The following MYO18B variants were observed in gnomAD, a reference collection of about 807,000 sequenced individuals.
The protein encoded by MYO18B is myosin XVIIIB.
A neutral mutation model predicts 273.0 loss-of-function variants in MYO18B; 204 were observed. The observed-to-expected ratio is 0.75, with a 90% confidence interval of 0.67 to 0.84. The LOEUF is 0.84. Ranked by LOEUF, MYO18B falls within the 40% of genes least tolerant of loss-of-function variation. The pLI, the probability that MYO18B is intolerant of heterozygous loss-of-function variation, is 0.00. For missense variants in MYO18B, 3,212 were observed against 3,287.6 expected, an observed-to-expected ratio of 0.98 and a Z score of 0.56; for synonymous variants, 1,330 against 1,305.7, an observed-to-expected ratio of 1.02 and a Z score of -0.40.
At chr22:25,999,717 A>G (rs1031488390) in intron 40 of MYO18B, among the ~76,000 whole-genome samples, 1 of 149,800 alleles carries the variant, frequency 6.7e-6, no homozygotes, top group African/African-American at 2.5e-5. Flanking sequence ...GTGCAATGGC[A>G]TGATCTTGGC....
At chr22:25,887,576 A>G (rs1310443372) in intron 25 of MYO18B, among the ~76,000 whole-genome samples, 1 of 152,174 alleles carries the variant, frequency 6.6e-6, no homozygotes, top group East Asian at 1.9e-4. Context: ...GTAATCTGCA[A>G]GGACTCTTCT....
At chr22:25,970,833 G>C (rs900521790) in intron 39 of MYO18B, among the ~76,000 whole-genome samples, 1 of 151,676 alleles carries the variant, frequency 6.6e-6, no homozygotes, top group Non-Finnish European at 1.5e-5. Context: ...ACACTCAGGG[G>C]GAATCCTTCA....
intron 1 of MYO18B, among the ~76,000 whole-genome samples, chr22:25,758,470 GAA>G (rs746499378): frequency 7.3e-6 from 1 of 136,412 alleles, no homozygotes. Context: ...GGATTAAGAA[GAA>G]AAAAAAAAAG....
intron 3 of MYO18B, among the ~76,000 whole-genome samples, chr22:25,765,031 C>T (rs1201674494): frequency 6.6e-6 from 1 of 152,074 alleles, no homozygotes; most frequent in Non-Finnish European, 1.5e-5. Flanking sequence ...GCCACAGAGA[C>T]CTGGGGGAAA....
chr22:25,938,275 A>G lies in MYO18B; in HGVS notation c.5518-7862A>G, dbSNP rs2092604729. Among the ~76,000 whole-genome samples, 2 of 152,222 alleles carry G rather than the reference A, an allele frequency of 1.3e-5. 1 individual carries two copies. The highest frequency in any genetic ancestry group is 4.1e-4 in the South Asian group (2 of 4,830). On this transcript the variant is annotated intron_variant, in intron 34 of 43. Coordinates refer to ENST00000335473, the MANE Select transcript of MYO18B (RefSeq NM_032608.7). ...TCACCTAGGTATTTAAAGCAGGCAG[A>G]TGGCTTCGCATAGAGAAGTAATGCT...
chr22:25,934,153 TG>T (rs1479942108), intron 34 of MYO18B, among the ~76,000 whole-genome samples: 16 of 152,204 alleles, frequency 1.1e-4, no homozygotes, highest in Non-Finnish European at 2.1e-4. Flanking sequence ...ATTTTTCTGT[TG>T]GGTTGTTTGT....
rs756882930 is a variant in MYO18B, at chr22:25,910,932, C to T, written c.5260-14C>T. The T allele has an allele frequency of 1.3e-6, 2 of 1,569,472 alleles. No homozygotes were observed. Among genetic ancestry groups the T allele is most frequent in the South Asian group, 2.3e-5 (2 of 85,236 alleles). On this transcript the variant is annotated splice_polypyrimidine_tract_variant and intron_variant, in intron 32 of 43. Coordinates refer to ENST00000335473, the MANE Select transcript of MYO18B (RefSeq NM_032608.7). ...TCATTTACCCTGTGATGTTTCTTCCCTGTGTATCCACAGCTTCATCAGCTG... is the reference window on the plus strand; with the variant it reads ...TCATTTACCCTGTGATGTTTCTTCCTTGTGTATCCACAGCTTCATCAGCTG...
chr22:26,032,253 C>T (rs758263320), downstream of MYO18B, among the ~76,000 whole-genome samples: 16 of 152,160 alleles, frequency 1.1e-4, no homozygotes, highest in Non-Finnish European at 1.3e-4. Context: ...AAAATTCCAC[C>T]GCCTGGGTGG....
chr22:25,949,017 G>A (rs553980832), intron 36 of MYO18B, among the ~76,000 whole-genome samples: 3 of 152,258 alleles, frequency 2.0e-5, no homozygotes, highest in East Asian at 1.9e-4. Flanking sequence ...AAGGAGACCA[G>A]TGAGGACAAT....
chr22:25,938,552 T>C (rs1399425800), intron 34 of MYO18B, among the ~76,000 whole-genome samples: 1 of 152,228 alleles, frequency 6.6e-6, no homozygotes, highest in African/African-American at 2.4e-5. Flanking sequence ...TAATGAAGGC[T>C]GACTGCTTCC....
chr22:25,847,380 T>A, intron 19 of MYO18B, 50 bp from the exon 20 acceptor site: 1 of 1,482,864 alleles, frequency 6.7e-7, no homozygotes, highest in Non-Finnish European at 9.2e-7. Flanking sequence ...CAGTCCCCTT[T>A]CTGTGTCTCT....
At chr22:25,910,495 AT>A (rs1388221811) in intron 32 of MYO18B, among the ~76,000 whole-genome samples, 1 of 152,102 alleles carries the variant, frequency 6.6e-6, no homozygotes, top group Non-Finnish European at 1.5e-5. Context: ...GGAGGGACAC[AT>A]ATAGTTTATA....
chr22:25,998,942 CAG>C (rs766805836), intron 40 of MYO18B, among the ~76,000 whole-genome samples: 12 of 152,174 alleles, frequency 7.9e-5, no homozygotes, highest in Non-Finnish European at 1.5e-4. Context: ...GTAGGATTCA[CAG>C]AGAGTCAGGG....
chr22:25,985,316 G>A (rs768157446), intron 39 of MYO18B, among the ~76,000 whole-genome samples: 4 of 152,030 alleles, frequency 2.6e-5, no homozygotes, highest in Non-Finnish European at 4.4e-5. Context: ...AGCTGAGATC[G>A]TGCCACCGCA....
intron 34 of MYO18B, among the ~76,000 whole-genome samples, chr22:25,922,991 A>G (rs1297324824): frequency 6.6e-6 from 1 of 152,056 alleles, no homozygotes; most frequent in East Asian, 1.9e-4. Context: ...CACACTCTGC[A>G]TTTTGCTGTC....
chr22:25,901,104 T>A (rs931966534), intron 29 of MYO18B: 2 of 152,220 alleles, frequency 1.3e-5, no homozygotes, highest in African/African-American at 4.8e-5. Flanking sequence ...GCCCCTTGAA[T>A]GATGTCACCA....
intron 42 of MYO18B, among the ~76,000 whole-genome samples, chr22:26,026,041 C>T (rs1337320269): frequency 6.6e-6 from 1 of 152,138 alleles, no homozygotes; most frequent in Non-Finnish European, 1.5e-5. Flanking sequence ...GGACTGTCCT[C>T]TAGGCTTGGC....
At position 25,989,020 on chromosome 22, in the gene MYO18B, A is replaced by G. The variant is rs1245916509; in HGVS notation, c.6157-3343A>G. ...ACTTGCTTAGTCCCAGCCGAGGCCC[A>G]CCCATCCCTGAGACACTGTGCCTCT... On this transcript the variant is annotated intron_variant, in intron 39 of 43. Transcript: ENST00000335473. Among the ~76,000 whole-genome samples the G allele has an allele frequency of 2.0e-5, 3 of 152,024 alleles. No homozygotes were observed. In the South Asian group the frequency reaches 6.2e-4, roughly 32 times the overall value.
intron 34 of MYO18B, among the ~76,000 whole-genome samples, chr22:25,926,146 A>G (rs567361758): frequency 6.6e-6 from 1 of 151,950 alleles, no homozygotes; most frequent in African/African-American, 2.4e-5. Flanking sequence ...TGGAGCTTGC[A>G]GTGAGCCGAG....
Sources: gnomAD v4.1 joint callset for allele counts (sites outside exome capture counted in the v4.1 genomes callset) on GRCh38, gnomAD v4.1.1 for gene constraint, MANE v1.5 for transcripts, NCBI Gene and HGNC (gene_info 2026-07-23, HGNC 2026-07-21) for gene names.